BBS9: variants seen among roughly 807,000 people sequenced by gnomAD.
BBS9 encodes the protein Bardet-Biedl syndrome 9.
In BBS9, 89 loss-of-function variants were observed where a neutral mutation model predicts 117.7. That is an observed-to-expected ratio of 0.76 (90% CI 0.64 to 0.90). The LOEUF is 0.90. Ranked by LOEUF, BBS9 falls within the 40% of genes least tolerant of loss-of-function variation. The pLI, the probability that BBS9 is intolerant of heterozygous loss-of-function variation, is 0.00. For missense variants in BBS9, 982 were observed against 1,042.2 expected, an observed-to-expected ratio of 0.94 and a Z score of 0.80; for synonymous variants, 379 against 370.9, an observed-to-expected ratio of 1.02 and a Z score of -0.25.
intron 19 of BBS9, among the ~76,000 whole-genome samples, chr7:33,411,331 G>A (rs1163373565): frequency 6.6e-6 from 1 of 152,052 alleles, no homozygotes; most frequent in Non-Finnish European, 1.5e-5. Context: ...GGTTGACATA[G>A]TTTTTTAATA....
At chr7:33,389,847 A>G (rs977505549) in intron 19 of BBS9, among the ~76,000 whole-genome samples, 2 of 152,142 alleles carry the variant, frequency 1.3e-5, no homozygotes, top group African/African-American at 4.8e-5. Flanking sequence ...GTTTTTGGCA[A>G]TTCCCTTACC....
intron 18 of BBS9, among the ~76,000 whole-genome samples, chr7:33,386,138 TA>T (rs1825966493): frequency 6.6e-6 from 1 of 151,726 alleles, no homozygotes. Flanking sequence ...AATAAAAAAA[TA>T]AAAAAATAAA....
chr7:33,578,838 G>A (rs1399081982), intron 21 of BBS9, among the ~76,000 whole-genome samples: 2 of 152,138 alleles, frequency 1.3e-5, no homozygotes, highest in African/African-American at 4.8e-5. Context: ...AAGGACAATG[G>A]TGTAGTTTTC....
intron 2 of BBS9, among the ~76,000 whole-genome samples, chr7:33,152,006 T>G (rs950447774): frequency 6.6e-6 from 1 of 152,070 alleles, no homozygotes; most frequent in Non-Finnish European, 1.5e-5. Context: ...TACAGGGGCA[T>G]GCCACTGCAC....
chr7:33,575,541 C>T (rs1858665409), intron 21 of BBS9, among the ~76,000 whole-genome samples: 2 of 152,084 alleles, frequency 1.3e-5, no homozygotes, highest in African/African-American at 4.8e-5. Context: ...AGAGGGAATC[C>T]TCCCTAACTC....
intron 19 of BBS9, among the ~76,000 whole-genome samples, chr7:33,461,997 A>C (rs1215049449): frequency 6.6e-6 from 1 of 151,994 alleles, no homozygotes; most frequent in East Asian, 1.9e-4. Context: ...CCCATATCTA[A>C]GGTCGTTTTA....
At chr7:33,593,628 A>G (rs1862280475) in intron 21 of BBS9, among the ~76,000 whole-genome samples, 1 of 152,150 alleles carries the variant, frequency 6.6e-6, no homozygotes, top group Admixed American at 6.6e-5. Context: ...TGCTGAACCC[A>G]GCTGCTTTTC....
intron 20 of BBS9, among the ~76,000 whole-genome samples, chr7:33,510,531 A>G (rs1041283259): frequency 5.3e-5 from 8 of 152,092 alleles, no homozygotes; most frequent in African/African-American, 1.9e-4. Context: ...CTTAGCACAT[A>G]CTATGTCTTA....
intron 21 of BBS9, among the ~76,000 whole-genome samples, chr7:33,557,402 C>T (rs1855454741): frequency 1.3e-5 from 2 of 152,142 alleles, no homozygotes; most frequent in South Asian, 2.1e-4. Flanking sequence ...TGTAGTAATA[C>T]ATTGTGTGCT....
At chr7:33,466,125 G>A (rs987967888) in intron 19 of BBS9, among the ~76,000 whole-genome samples, 1 of 151,990 alleles carries the variant, frequency 6.6e-6, no homozygotes, top group Non-Finnish European at 1.5e-5. Context: ...GTTAACATAT[G>A]CATCAACTCA....
At chr7:33,175,629 A>G (rs1374675373) in intron 4 of BBS9, among the ~76,000 whole-genome samples, 1 of 152,116 alleles carries the variant, frequency 6.6e-6, no homozygotes, top group Non-Finnish European at 1.5e-5. Flanking sequence ...CATTTACCTT[A>G]CTTGAACATG....
chr7:33,294,695 A>G (rs571037406), intron 9 of BBS9, among the ~76,000 whole-genome samples: 1 of 152,354 alleles, frequency 6.6e-6, no homozygotes, highest in Admixed American at 6.5e-5. Flanking sequence ...TGTATATTAA[A>G]AAGTCTAAAC....
intron 11 of BBS9, among the ~76,000 whole-genome samples, chr7:33,341,275 A>G (rs1307100288): frequency 6.6e-6 from 1 of 152,138 alleles, no homozygotes; most frequent in African/African-American, 2.4e-5. Flanking sequence ...AAACTTTCTT[A>G]GTACCATAGC....
chr7:33,227,800 A>G (rs1053659232), intron 5 of BBS9, among the ~76,000 whole-genome samples: 10 of 152,032 alleles, frequency 6.6e-5, no homozygotes, highest in Non-Finnish European at 8.8e-5. Flanking sequence ...GTTCCTTTTT[A>G]TGGCTCAGTA....
At chr7:33,393,032 G>A (rs995839582) in intron 19 of BBS9, among the ~76,000 whole-genome samples, 3 of 152,098 alleles carry the variant, frequency 2.0e-5, no homozygotes, top group Non-Finnish European at 4.4e-5. Flanking sequence ...TGATAGAGGT[G>A]GTGCTCACCT....
At chr7:33,421,800 C>G (rs1212664086) in intron 19 of BBS9, among the ~76,000 whole-genome samples, 1 of 152,112 alleles carries the variant, frequency 6.6e-6, no homozygotes, top group Non-Finnish European at 1.5e-5. Context: ...ACTGATCTTT[C>G]TTAAAGAAAG....
intron 9 of BBS9, among the ~76,000 whole-genome samples, chr7:33,293,065 T>C (rs1361669709): frequency 1.3e-5 from 2 of 152,030 alleles, no homozygotes; most frequent in African/African-American, 4.8e-5. Flanking sequence ...TTGACCTCAT[T>C]TTATACCAAC....
intron 21 of BBS9, among the ~76,000 whole-genome samples, chr7:33,582,613 G>T (rs1038900974): frequency 2.0e-5 from 3 of 151,856 alleles, no homozygotes; most frequent in African/African-American, 7.3e-5. Context: ...GGACACTTTT[G>T]CCCTTCAGGT....
chr7:33,571,941 A>G (rs1162907495), intron 21 of BBS9, among the ~76,000 whole-genome samples: 1 of 152,114 alleles, frequency 6.6e-6, no homozygotes, highest in Non-Finnish European at 1.5e-5. Context: ...TGTTAGGAAC[A>G]TATCAATTCC....
Sources: gnomAD v4.1 joint callset for allele counts (sites outside exome capture counted in the v4.1 genomes callset) on GRCh38, gnomAD v4.1.1 for gene constraint, MANE v1.5 for transcripts, NCBI Gene and HGNC (gene_info 2026-07-23, HGNC 2026-07-21) for gene names.